AFP: variants seen among roughly 807,000 people sequenced by gnomAD.
AFP encodes alpha fetoprotein.
AFP carries 64 observed loss-of-function variants against 78.9 expected under a neutral mutation model. That is an observed-to-expected ratio of 0.81 (90% confidence interval 0.66 to 1.00). AFP has a LOEUF of 1.00. Among genes scored for constraint, AFP ranks in the 50% least tolerant of loss-of-function variants. The pLI is 0.00. For synonymous variants in AFP, 254 were observed against 243.8 expected (o/e 1.04, Z -0.39); for missense variants, 689 against 703.8 (o/e 0.98, Z 0.24).
At chr4:73,438,418 T>A (rs1220122251) in intron 3 of AFP, 112 bp downstream of exon 3, 9 of 1,242,400 alleles carry the variant, frequency 7.2e-6, no homozygotes, top group Admixed American at 4.1e-5. Flanking sequence ...GAAGAGCTAT[T>A]GTATGAAAGA....
chr4:73,448,713 T>C (rs1333800973), intron 8 of AFP, among the ~76,000 whole-genome samples: 1 of 152,142 alleles, frequency 6.6e-6, no homozygotes, highest in Non-Finnish European at 1.5e-5. Flanking sequence ...GTTGCAAAGG[T>C]TCTTTGCAGT....
Position 73,452,556 on chromosome 4 carries a change from T to A in AFP, c.1584T>A (p.Asp528Glu), listed in dbSNP as rs1720032490. The A allele has an allele frequency of 1.2e-6, 2 of 1,613,974 alleles. No homozygotes were observed. Among genetic ancestry groups the A allele is most frequent in the Non-Finnish European group, 1.7e-6 (2 of 1,179,986 alleles). ...DETYVPPAFS[D>E]DKFIFHKDLC... ...CATATGTCCCTCCTGCATTCTCTGA[T>A]GACAAGTTCATTTTCCATAAGGATC... Residue 528 changes from aspartate (D) to glutamate (E), a missense_variant, in exon 12 of 15, where the codon GAT (aspartate) becomes GAA (glutamate). Asp to Glu is a conservative substitution (Grantham distance 45, BLOSUM62 2). Coordinates refer to ENST00000395792, the MANE Select transcript of AFP (RefSeq NM_001134.3).
chr4:73,445,159 C>T (rs1323730533), intron 7 of AFP, 37 bp downstream of exon 7: 3 of 1,610,800 alleles, frequency 1.9e-6, no homozygotes, highest in Admixed American at 3.3e-5. Flanking sequence ...AAGATTTTCA[C>T]TCCCTTTTCT....
intron 4 of AFP, among the ~76,000 whole-genome samples, 168 bp from the exon 5 acceptor site, chr4:73,442,128 G>T (rs867853757): frequency 6.6e-6 from 1 of 152,020 alleles, no homozygotes; most frequent in Non-Finnish European, 1.5e-5. Context: ...GACAACATGT[G>T]GAAAAAATAT....
intron 7 of AFP, among the ~76,000 whole-genome samples, chr4:73,445,963 G>A (rs1330397311): frequency 6.6e-6 from 1 of 152,104 alleles, no homozygotes; most frequent in African/African-American, 2.4e-5. Flanking sequence ...TAAAATCCAA[G>A]GAGCTTAAAA....
intron 5 of AFP, 79 bp downstream of exon 5, chr4:73,442,507 C>G (rs767183029): frequency 1.1e-5 from 17 of 1,532,998 alleles, no homozygotes; most frequent in Non-Finnish European, 1.5e-5. Context: ...AAAATGAAAA[C>G]GTGCTTAATT....
intron 6 of AFP, 67 bp downstream of exon 6, chr4:73,443,511 C>T (rs936101915): frequency 2.7e-5 from 34 of 1,269,648 alleles, no homozygotes; most frequent in East Asian, 1.4e-4. Flanking sequence ...AATTTGGGTT[C>T]GTTTTTTTAA....
In AFP at chr4:73,445,094, G is replaced by T; in HGVS notation, c.815G>T (p.Gly272Val). 2.5e-6 allele frequency: 4 copies of T among 1,613,988 alleles called. No homozygotes were observed. In the South Asian group the frequency reaches 4.4e-5, roughly 18 times the overall value. The change falls in exon 7 of 15, where the codon GGA becomes GTA. Residue 272 changes from glycine to valine, a missense_variant. Transcript: ENST00000395792. ...VAHVHEHCCR[G>V]DVLDCLQDGE... Reference sequence around the variant, plus strand: ...CATGTACATGAGCACTGTTGCAGAGGAGATGTGCTGGATTGTCTGCAGGAT... The same window carrying T: ...CATGTACATGAGCACTGTTGCAGAGTAGATGTGCTGGATTGTCTGCAGGAT...
intron 7 of AFP, among the ~76,000 whole-genome samples, chr4:73,446,615 AATTTCTC>A: frequency 1.0e-5 from 1 of 99,624 alleles, no homozygotes; most frequent in Non-Finnish European, 2.1e-5. Flanking sequence ...ATTCTTACGG[AATTTCTC>A]GTGGAGCAGA....
intron 11 of AFP, 105 bp from the exon 12 acceptor site, chr4:73,452,296 A>G (rs552416161): frequency 2.3e-6 from 2 of 867,856 alleles, no homozygotes; most frequent in Admixed American, 3.9e-5. Context: ...ATTAATTATA[A>G]ATTGCTGGGC....
At chr4:73,454,625 A>T (rs1028267198) in intron 13 of AFP, among the ~76,000 whole-genome samples, 7 of 152,266 alleles carry the variant, frequency 4.6e-5, no homozygotes, top group African/African-American at 1.7e-4. Context: ...CTTTAAAAAG[A>T]TATTCTATAA....
At chr4:73,441,485 G>T (rs528801893) in intron 4 of AFP, among the ~76,000 whole-genome samples, 3 of 146,256 alleles carry the variant, frequency 2.1e-5, no homozygotes, top group South Asian at 4.3e-4. Flanking sequence ...GGAGAATGGC[G>T]TGAACCCTGG....
In AFP at chr4:73,455,686, T is replaced by G. The variant is rs770323458; in HGVS notation, c.*66T>G. The G allele has an allele frequency of 1.4e-6, 1 of 696,192 alleles. No homozygotes were observed. The highest frequency in any genetic ancestry group is 2.6e-6 in the Non-Finnish European group (1 of 383,244). The allele number at this position is 696,192 out of a possible 1,614,324, so 43.1% of individuals were successfully genotyped here. On this transcript the variant is annotated 3_prime_UTR_variant, in exon 15 of 15. Coordinates refer to ENST00000395792, the MANE Select transcript of AFP (RefSeq NM_001134.3). ...CGGTGTGAACTTTTCTCTTTAATTT[T>G]AACTGATTTAACACTTTTTGTGAAT... is the stretch of plus-strand genomic sequence containing the variant.
intron 10 of AFP, 102 bp from the exon 11 acceptor site, chr4:73,450,513 C>G: frequency 6.4e-7 from 1 of 1,553,546 alleles, no homozygotes; most frequent in Non-Finnish European, 8.8e-7. Flanking sequence ...GAGCTGACCT[C>G]ATGTCTTCTG....
rs1577958190 is a variant in AFP, at chr4:73,450,108, C to G, written c.1264C>G (p.Leu422Val). The G allele has an allele frequency of 6.2e-7, 1 of 1,613,056 alleles. No homozygotes were observed. Residue 422 changes from leucine (L) to valine (V), a missense_variant, in exon 10 of 15, where the codon CTA becomes GTA. Physicochemically the swap from Leu to Val is conservative, Grantham distance 32. Transcript: ENST00000395792. ...GCGAAGCTGCGGCCTCTTCCAGAAA[C>G]TAGGAGAATATTACTTACAAAATGC... is the stretch of plus-strand genomic sequence containing the variant. The part of the protein sequence containing the change: ...AKRSCGLFQK[L>V]GEYYLQNAFL...
In AFP at chr4:73,445,026, AG is replaced by A; in HGVS notation, c.748del (p.Val250LeufsTer9). Reference protein sequence around the residue: ...VTKLSQKFTKVNFTEIQKLVL... With the variant: ...VTKLSQKFTKXNFTEIQKLVL... ...CTAAACTGAGTCAGAAGTTTACCAA[AG>A]TTAATTTTACTGAAATCCAGAAACT... On this transcript the variant is annotated frameshift_variant, in exon 7 of 15. Transcript: ENST00000395792. LOFTEE classifies it high-confidence loss of function. 6.2e-7 allele frequency: 1 copy of A among 1,613,470 alleles called. No homozygotes were observed. Among genetic ancestry groups the A allele is most frequent in the Non-Finnish European group, 8.5e-7 (1 of 1,179,434 alleles).
intron 2 of AFP, among the ~76,000 whole-genome samples, chr4:73,437,795 A>G (rs940916802): frequency 3.3e-5 from 5 of 152,028 alleles, no homozygotes; most frequent in African/African-American, 7.2e-5. Context: ...CTGGGAATAG[A>G]CACTGTTAGA....
At position 73,453,985 on chromosome 4, in the gene AFP, T is replaced by C. The variant is rs1194050055; in HGVS notation, c.1785+88T>C. The C allele has an allele frequency of 4.1e-6, 6 of 1,476,722 alleles. No individual in the cohort carries two copies. The East Asian group carries it at 1.4e-4, about 35-fold the overall frequency. 91.5% of individuals were successfully genotyped at this position (1,476,722 alleles called of 1,614,324 possible). A position where few individuals can be genotyped will look rare whatever the true frequency, so the allele number is the denominator to read the frequency against. ...AAGGAAGACCCTACAAATTTATAAC[T>C]TTAAAATATTTTCAGAGAGATTTAA... On this transcript the variant is annotated intron_variant, in intron 13 of 14. Coordinates refer to ENST00000395792, the MANE Select transcript of AFP (RefSeq NM_001134.3).
At chr4:73,452,259 A>T in intron 11 of AFP, 142 bp from the exon 12 acceptor site, 1 of 734,778 alleles carries the variant, frequency 1.4e-6, no homozygotes, top group Middle Eastern at 3.6e-4. Context: ...ATGTCACATG[A>T]TCCTACATAG....
Sources: gnomAD v4.1 joint callset for allele counts (sites outside exome capture counted in the v4.1 genomes callset) on GRCh38, gnomAD v4.1.1 for gene constraint, MANE v1.5 for transcripts, NCBI Gene and HGNC (gene_info 2026-07-23, HGNC 2026-07-21) for gene names.